The following ABCA6 variants were observed in gnomAD, a reference collection of about 807,000 sequenced individuals.
The protein encoded by ABCA6 is ATP binding cassette subfamily A member 6, also known as ATP-binding cassette sub-family A member 6.
ABCA6 carries 164 observed loss-of-function variants against 191.2 expected under a neutral mutation model. That is an observed-to-expected ratio of 0.86 (90% CI 0.76 to 0.98). The LOEUF (loss-of-function observed/expected upper bound fraction) is 0.98, where lower values mean the gene tolerates loss of function less well. Among genes scored for constraint, ABCA6 ranks in the 50% least tolerant of loss-of-function variants. The probability of loss-of-function intolerance (pLI) is 0.00; values close to 1 mark genes in which losing one functional copy is unlikely to be tolerated. For synonymous variants in ABCA6, 636 were observed against 647.7 expected (o/e 0.98, Z 0.27); for missense variants, 1,958 against 1,894.1 (o/e 1.03, Z -0.63).
At chr17:69,109,752 T>G (rs2073383778) in intron 17 of ABCA6, 1 of 152,158 alleles carries the variant, frequency 6.6e-6, no homozygotes, top group South Asian at 2.1e-4. Flanking sequence ...ACCTGTCACT[T>G]AGTAGCCCTC....
In ABCA6 at chr17:69,084,375, C is replaced by G; in HGVS notation, c.4261-20G>C. 1 of 1,614,074 alleles carries G rather than the reference C, an allele frequency of 6.2e-7. No individual in the cohort carries two copies. The highest frequency in any genetic ancestry group is 8.5e-7 in the Non-Finnish European group (1 of 1,179,966). ...ACACAACTGCAATGTAGAAAAACAC[C>G]CCTGTTTGCTGCCATACCACACCAG... On this transcript the variant is annotated intron_variant, in intron 33 of 38. Transcript: ENST00000284425.
chr17:69,086,651 C>T lies in ABCA6; in HGVS notation c.3904G>A (p.Ala1302Thr). ...ACACAGAAAGAGATATTTCTTGCTG[C>T]TATTTTCTTCTTCCTCTTTGAAAAG... ...SCFSKRKKKI[A>T]ARNISFCVQE... Residue 1302 changes from alanine (A) to threonine (T), a missense_variant, in exon 30 of 39, where the codon GCA becomes ACA. Ala to Thr is a moderately conservative substitution (Grantham distance 58). Transcript: ENST00000284425. 1 of 1,612,528 alleles carries T rather than the reference C, an allele frequency of 6.2e-7. No individual in the cohort carries two copies. The highest frequency in any genetic ancestry group is 1.7e-5 in the Admixed American group (1 of 59,972).
intron 6 of ABCA6, 82 bp from the exon 7 acceptor site, chr17:69,129,833 A>G (rs1458151362): frequency 1.2e-5 from 12 of 1,025,602 alleles, no homozygotes; most frequent in Non-Finnish European, 1.7e-5. Flanking sequence ...CTAAAGAACA[A>G]TGTAATGACT....
intron 15 of ABCA6, 56 bp downstream of exon 15, chr17:69,113,166 C>T (rs1197828217): frequency 6.4e-6 from 10 of 1,557,610 alleles, no homozygotes; most frequent in East Asian, 4.7e-5. Context: ...GAATAGACCT[C>T]GCTTCTAAAT....
intron 15 of ABCA6, 119 bp from the exon 16 acceptor site, chr17:69,112,392 C>T: frequency 2.9e-6 from 2 of 701,338 alleles, no homozygotes; most frequent in South Asian, 1.8e-5. Flanking sequence ...CAGGGTATAA[C>T]TAGATCTAGT....
At chr17:69,091,389 G>A in intron 25 of ABCA6, 127 bp from the exon 26 acceptor site, 1 of 960,180 alleles carries the variant, frequency 1.0e-6, no homozygotes, top group Non-Finnish European at 1.5e-6. Flanking sequence ...ATACCCATTT[G>A]ACAATGATAG....
At chr17:69,095,808 C>G (rs1249513178) in intron 25 of ABCA6, among the ~76,000 whole-genome samples, 5 of 152,194 alleles carry the variant, frequency 3.3e-5, no homozygotes, top group African/African-American at 9.7e-5. Flanking sequence ...TTTGGACAAG[C>G]TCTTTACTTT....
In ABCA6 at chr17:69,084,423, C is replaced by T. The variant is rs1330355293; in HGVS notation, c.4260+9G>A. On this transcript the variant is annotated intron_variant, in intron 33 of 38. Transcript: ENST00000284425. Reference sequence around the variant, plus strand: ...CAGCTCTCCATAGAGCATCACACACCGCACGTACCTTTCTCGTGATTCCTG... The same window carrying T: ...CAGCTCTCCATAGAGCATCACACACTGCACGTACCTTTCTCGTGATTCCTG... 6 of 1,614,118 alleles carry T rather than the reference C, an allele frequency of 3.7e-6. No individual in the cohort carries two copies. Among genetic ancestry groups the T allele is most frequent in the Non-Finnish European group, 3.4e-6 (4 of 1,179,988 alleles).
At chr17:69,096,096 T>C (rs2073039067) in intron 25 of ABCA6, 144 bp downstream of exon 25, 2 of 359,792 alleles carry the variant, frequency 5.6e-6, no homozygotes. Context: ...TCAGTAACAG[T>C]GTTACACTTC....
Position 69,102,958 on chromosome 17 carries a change from A to G in ABCA6, c.2751T>C (p.Ile917=), listed in dbSNP as rs779070128. 1 of 1,519,336 alleles carries G rather than the reference A, an allele frequency of 6.6e-7. No homozygotes were observed. The highest frequency in any genetic ancestry group is 1.2e-5 in the South Asian group (1 of 82,948). The allele number at this position is 1,519,336 out of a possible 1,614,324, so 94.1% of individuals were successfully genotyped here. Residue 917 remains isoleucine, a synonymous_variant, in exon 21 of 39, where the codon ATT becomes ATC. Coordinates refer to ENST00000284425, the MANE Select transcript of ABCA6 (RefSeq NM_080284.3). ...GCTTCAGTGATTTTATAAAATCTTCAATATTTGATTCTAATATGAAGTTAA... is the reference window on the plus strand; with the variant it reads ...GCTTCAGTGATTTTATAAAATCTTCGATATTTGATTCTAATATGAAGTTAA... The part of the protein sequence containing the change: ...LLIINNTESN[I]EDFIKSLKHQ...
chr17:69,115,802 GTTTA>G (rs1379664356), intron 11 of ABCA6: 1 of 167,908 alleles, frequency 6.0e-6, no homozygotes, highest in African/African-American at 2.4e-5. Context: ...TAGAAAGATG[GTTTA>G]TTTAATAAAT....
At chr17:69,120,464 T>C (rs2073620194) in intron 10 of ABCA6, among the ~76,000 whole-genome samples, 2 of 152,078 alleles carry the variant, frequency 1.3e-5, no homozygotes, top group Non-Finnish European at 2.9e-5. Flanking sequence ...TTGAATTTCA[T>C]GTACCTATTT....
In ABCA6 at chr17:69,139,264, G is replaced by A. The variant is rs183292564; in HGVS notation, c.96+1344C>T. On this transcript the variant is annotated intron_variant, in intron 2 of 38. Transcript: ENST00000284425. The stretch of plus-strand genomic sequence containing the variant: ...CAAATTTACAAGAAAAAAACAAACA[G>A]CCCCATCAAAAAGTGGGCAAAGGAT... 2.3e-4 allele frequency among the ~76,000 whole-genome samples: 35 copies of A among 151,746 alleles called. 1 individual carries two copies. In the East Asian group the frequency reaches 5.4e-3, roughly 24 times the overall value.
Position 69,133,636 on chromosome 17 carries a change from C to T in ABCA6, c.791+5G>A. 6.4e-7 allele frequency: 1 copy of T among 1,554,804 alleles called. No homozygotes were observed. Among genetic ancestry groups the T allele is most frequent in the Non-Finnish European group, 8.8e-7 (1 of 1,141,288 alleles). ...TAATTTGCACTACTTGAATTAGTCA[C>T]TCACCAGAATGCTGAATCTTGGAGA... On this transcript the variant is annotated splice_donor_5th_base_variant and intron_variant, in intron 6 of 38. Coordinates refer to ENST00000284425, the MANE Select transcript of ABCA6 (RefSeq NM_080284.3).
rs61523425 is a variant in ABCA6, at chr17:69,082,328, A to AACACAC, written c.4616+539_4616+544dup. 2.1e-4 allele frequency among the ~76,000 whole-genome samples: 30 copies of AACACAC among 144,908 alleles called. 1 individual carries two copies. In the South Asian group the frequency reaches 2.3e-3, roughly 11 times the overall value. ...CCCAAATAACATACAGACATACACA[A>AACACAC]ACACACACACACACACACACACACA... is the stretch of plus-strand genomic sequence containing the variant. On this transcript the variant is annotated intron_variant, in intron 36 of 38. Transcript: ENST00000284425.
intron 32 of ABCA6, 111 bp downstream of exon 32, chr17:69,084,917 T>A (rs1488771661): frequency 7.4e-7 from 1 of 1,345,752 alleles, no homozygotes; most frequent in East Asian, 2.5e-5. Flanking sequence ...ACTGACACTC[T>A]GGAAAGGTGG....
rs750799887 is a variant in ABCA6 at position 69,137,361 on chromosome 17, T to C, written c.236A>G (p.Tyr79Cys). ...KFNSSSLMVV[Y>C]TPISNLTQQI... is the part of the protein sequence containing the mutation. ...CTGGGTTAAATTAGATATTGGTGTATACACAACCATTAAAGAAGAGCTATT... is the reference window on the plus strand; with the variant it reads ...CTGGGTTAAATTAGATATTGGTGTACACACAACCATTAAAGAAGAGCTATT... Residue 79 changes from tyrosine (Y) to cysteine (C), a missense_variant, in exon 3 of 39, where the codon TAT becomes TGT. By Grantham distance (194) the Tyr-to-Cys change is radical (BLOSUM62 -2). Coordinates refer to ENST00000284425, the MANE Select transcript of ABCA6 (RefSeq NM_080284.3). The C allele has an allele frequency of 1.4e-5, 22 of 1,613,552 alleles. No individual in the cohort carries two copies. Among genetic ancestry groups the C allele is most frequent in the Non-Finnish European group, 1.7e-5 (20 of 1,179,756 alleles).
intron 30 of ABCA6, among the ~76,000 whole-genome samples, chr17:69,086,320 T>A (rs951482481): frequency 2.0e-5 from 3 of 152,120 alleles, no homozygotes; most frequent in Non-Finnish European, 4.4e-5. Flanking sequence ...GCTCTATAGC[T>A]TTATCCCTTC....
At chr17:69,101,913 G>A (rs2073190687) in intron 21 of ABCA6, among the ~76,000 whole-genome samples, 1 of 152,122 alleles carries the variant, frequency 6.6e-6, no homozygotes, top group African/African-American at 2.4e-5. Context: ...TATGTAGAAC[G>A]GAATTCAGTA....
Sources: gnomAD v4.1 joint callset for allele counts (sites outside exome capture counted in the v4.1 genomes callset) on GRCh38, gnomAD v4.1.1 for gene constraint, MANE v1.5 for transcripts, NCBI Gene and HGNC (gene_info 2026-07-23, HGNC 2026-07-21) for gene names.